The following CCDC159 variants were observed in gnomAD, a reference collection of about 807,000 sequenced individuals.
CCDC159 encodes the protein coiled-coil domain-containing protein 159.
In CCDC159, 40 loss-of-function variants were observed where a neutral mutation model predicts 50.9. The ratio of observed to expected loss-of-function variants is 0.79; its 90% CI spans 0.61 to 1.02. The LOEUF (loss-of-function observed/expected upper bound fraction) is 1.02. CCDC159 is among the 50% of genes least tolerant of loss of function. The pLI, the probability that CCDC159 is intolerant of heterozygous loss-of-function variation, is 0.00. For missense variants in CCDC159, 356 were observed against 371.5 expected (o/e 0.96, Z 0.34); for synonymous variants, 146 against 138.9 (o/e 1.05, Z -0.36).
At chr19:11,348,381 C>T (rs928984425) in intron 1 of CCDC159, among the ~76,000 whole-genome samples, 5 of 152,132 alleles carry the variant, frequency 3.3e-5, no homozygotes, top group African/African-American at 9.7e-5. Flanking sequence ...CTCCGCCTCC[C>T]GGGTTCAAGT....
At chr19:11,351,635 G>A (rs1310786301) in intron 5 of CCDC159, 3 of 379,520 alleles carry the variant, frequency 7.9e-6, no homozygotes, top group South Asian at 6.8e-5. Context: ...AGGAGACTGG[G>A]GGTATAGAAA....
intron 1 of CCDC159, among the ~76,000 whole-genome samples, chr19:11,347,755 A>C (rs1967336834): frequency 6.6e-6 from 1 of 152,224 alleles, no homozygotes. Context: ...ACTCAGGGCA[A>C]GGTGCCTTTC....
chr19:11,353,708 G>A (rs1007764910), intron 8 of CCDC159, 84 bp from the exon 9 acceptor site: 18 of 1,536,106 alleles, frequency 1.2e-5, no homozygotes, highest in East Asian at 2.4e-5. Context: ...ACCCCACCAC[G>A]GCCCCCAACC....
chr19:11,349,784 C>A (rs1008131771), intron 2 of CCDC159, 97 bp downstream of exon 2: 13 of 1,203,254 alleles, frequency 1.1e-5, no homozygotes, highest in South Asian at 3.8e-5. Context: ...CTGCCATGGT[C>A]ACCCATTCAC....
chr19:11,353,341 C>G lies in CCDC159; in HGVS notation c.568-110C>G, dbSNP rs1967684447. On this transcript the variant is annotated intron_variant, in intron 7 of 10. Transcript: ENST00000458408. ...GGTCTCAATCTCCTGACCTCGTGAT[C>G]TGCCCGCCTCGGCCTCCCAAAGTGC... The G allele has an allele frequency of 3.5e-6, 4 of 1,147,988 alleles. No homozygotes were observed. The South Asian group carries it at 6.2e-5, about 18-fold the overall frequency. The allele number at this position is 1,147,988 out of a possible 1,614,324, so 71.1% of individuals were successfully genotyped here. A position where few individuals can be genotyped will look rare whatever the true frequency, so the allele number is the denominator to read the frequency against.
Position 11,350,984 on chromosome 19 carries a change from G to T in CCDC159, c.403G>T (p.Ala135Ser). 6.4e-7 allele frequency: 1 copy of T among 1,552,332 alleles called. No individual in the cohort carries two copies. The highest frequency in any genetic ancestry group is 8.7e-7 in the Non-Finnish European group (1 of 1,147,732). The stretch of plus-strand genomic sequence containing the variant: ...CACCACTCGCTGCCTGCAGCTGCTG[G>T]CCCAGGAGATCCGGGACAGGTCGGG... ...ARTTRCLQLL[A>S]QEIRDSKKFL... Residue 135 changes from alanine to serine, a missense_variant, in exon 5 of 11, where the codon GCC becomes TCC. Transcript: ENST00000458408.
In CCDC159 at chr19:11,350,890, G is replaced by C; in HGVS notation, c.309G>C (p.Gly103=). 6.4e-7 allele frequency: 1 copy of C among 1,552,434 alleles called. No homozygotes were observed. The highest frequency in any genetic ancestry group is 2.4e-5 in the East Asian group (1 of 41,106). Residue 103 remains glycine, a synonymous_variant, in exon 5 of 11, where the codon GGG becomes GGC. Coordinates refer to ENST00000458408, the MANE Select transcript of CCDC159 (RefSeq NM_001080503.3). ...GMEQGRQELY[G]ALTQGLQGLE... is the part of the protein sequence containing the mutation. ...AGCAGGGCCGGCAGGAGCTGTATGG[G>C]GCCCTGACCCAAGGCCTTCAGGGGC... is the stretch of plus-strand genomic sequence containing the variant.
chr19:11,348,791 C>T (rs1334667915), intron 1 of CCDC159: 5 of 530,010 alleles, frequency 9.4e-6, no homozygotes, highest in South Asian at 5.6e-5. Flanking sequence ...CCTGACTACT[C>T]TGTGTCCTGC....
intron 1 of CCDC159, among the ~76,000 whole-genome samples, chr19:11,348,436 C>T (rs1599378920): frequency 6.6e-6 from 1 of 152,044 alleles, no homozygotes; most frequent in South Asian, 2.1e-4. Context: ...TTACAGGCGC[C>T]CACCACCATG....
chr19:11,349,597 G>A, intron 1 of CCDC159, 57 bp from the exon 2 acceptor site: 6 of 1,602,444 alleles, frequency 3.7e-6, no homozygotes, highest in Non-Finnish European at 4.3e-6. Flanking sequence ...GGGTTGAGGT[G>A]AGCAAGGAGG....
chr19:11,353,509 A>G lies in CCDC159; in HGVS notation c.626A>G (p.Glu209Gly). 1 of 1,612,518 alleles carries G rather than the reference A, an allele frequency of 6.2e-7. No homozygotes were observed. Among genetic ancestry groups the G allele is most frequent in the Non-Finnish European group, 8.5e-7 (1 of 1,179,322 alleles). ...HETAACPETE[E>G]IPQGASGCWK... ...ACAGCCGCCTGTCCGGAGACTGAAGAGATACCGCAGGGAGCCAGTGGCTGC... is the reference window on the plus strand; with the variant it reads ...ACAGCCGCCTGTCCGGAGACTGAAGGGATACCGCAGGGAGCCAGTGGCTGC... The change falls in exon 8 of 11, where the codon GAG becomes GGG. Residue 209 changes from glutamate (E) to glycine (G), a missense_variant. Coordinates refer to ENST00000458408, the MANE Select transcript of CCDC159 (RefSeq NM_001080503.3).
At position 11,348,890 on chromosome 19, in the gene CCDC159, G is replaced by A. The variant is rs189700471; in HGVS notation, c.22-764G>A. 1,372 of 1,046,776 alleles carry A rather than the reference G, an allele frequency of 1.3e-3. 17 individuals carry two copies. The highest frequency in any genetic ancestry group is 0.012 in the Admixed American group (611 of 52,218). 64.8% of individuals were successfully genotyped at this position (1,046,776 alleles called of 1,614,324 possible). ...TGGGGTTAGTTAGGGGGCTCCCATA[G>A]GGCTGGGGACACTGGGAGGGGCTGG... On this transcript the variant is annotated intron_variant, in intron 1 of 10. Coordinates refer to ENST00000458408, the MANE Select transcript of CCDC159 (RefSeq NM_001080503.3).
At chr19:11,353,953 T>C (rs886274588) in intron 9 of CCDC159, 79 bp downstream of exon 9, 5 of 1,177,626 alleles carry the variant, frequency 4.2e-6, no homozygotes, top group African/African-American at 1.6e-5. Flanking sequence ...GAGAGCCTAT[T>C]TGGGAGTCAC....
intron 7 of CCDC159, 100 bp downstream of exon 7, chr19:11,352,233 C>G (rs1271481397): frequency 4.3e-6 from 5 of 1,173,378 alleles, no homozygotes; most frequent in Non-Finnish European, 6.2e-6. Flanking sequence ...GTTCAAATCT[C>G]AGCTCTGCCA....
chr19:11,350,246 GC>G, intron 4 of CCDC159, 47 bp downstream of exon 4: 3 of 1,510,550 alleles, frequency 2.0e-6, no homozygotes, highest in African/African-American at 2.7e-5. Flanking sequence ...AGGCGTGGTG[GC>G]TCACGCCTGT....
At position 11,349,703 on chromosome 19, in the gene CCDC159, T is replaced by G. The variant is rs1191085115; in HGVS notation, c.55+16T>G. 6.3e-7 allele frequency: 1 copy of G among 1,583,972 alleles called. No homozygotes were observed. Among genetic ancestry groups the G allele is most frequent in the South Asian group, 1.1e-5 (1 of 90,214 alleles). Reference sequence around the variant, plus strand: ...AAAGTCAAAGGTGAGAAATCTCCTTTCCAACAAAACTGTGTGGGGAAGACC... The same window carrying G: ...AAAGTCAAAGGTGAGAAATCTCCTTGCCAACAAAACTGTGTGGGGAAGACC... On this transcript the variant is annotated intron_variant, in intron 2 of 10. Transcript: ENST00000458408.
intron 8 of CCDC159, 81 bp downstream of exon 8, chr19:11,353,653 C>A: frequency 6.3e-7 from 1 of 1,596,062 alleles, no homozygotes; most frequent in Non-Finnish European, 8.6e-7. Flanking sequence ...ACCACCAGAA[C>A]CTGGAGCCCA....
intron 2 of CCDC159, 73 bp downstream of exon 2, chr19:11,349,760 C>A: frequency 7.6e-7 from 1 of 1,308,080 alleles, no homozygotes; most frequent in Non-Finnish European, 1.1e-6. Flanking sequence ...TCTGCCCCAG[C>A]ATCAGCTGTC....
At chr19:11,354,468 G>C in intron 9 of CCDC159, 112 bp from the exon 10 acceptor site, 1 of 994,144 alleles carries the variant, frequency 1.0e-6, no homozygotes, top group Non-Finnish European at 1.5e-6. Context: ...TCACATTCAA[G>C]GGAATTGGGG....
Sources: allele counts gnomAD v4.1 joint callset (sites outside exome capture counted in the v4.1 genomes callset), GRCh38; gene constraint gnomAD v4.1.1; transcripts MANE v1.5; gene names NCBI Gene and HGNC (gene_info 2026-07-23, HGNC 2026-07-21).